The following SCTR variants were observed in gnomAD, a reference collection of about 807,000 sequenced individuals.
SCTR encodes secretin receptor.
In SCTR, 56 loss-of-function variants were observed where a neutral mutation model predicts 60.8. The observed-to-expected ratio is 0.92, with a 90% CI of 0.74 to 1.15. The LOEUF (loss-of-function observed/expected upper bound fraction) is 1.15. Among genes scored for constraint, SCTR ranks in the 50% most tolerant of loss-of-function variants. The pLI is 0.00. For missense variants in SCTR, 562 were observed against 550.4 expected (o/e 1.02, Z -0.21); for synonymous variants, 202 against 217.0 (o/e 0.93, Z 0.61).
chr2:119,511,162 C>T (rs1678918460), intron 1 of SCTR, among the ~76,000 whole-genome samples: 1 of 151,986 alleles, frequency 6.6e-6, no homozygotes, highest in Non-Finnish European at 1.5e-5. Flanking sequence ...CAGATAGCGC[C>T]ACTGCACTCC....
At chr2:119,506,920 T>G (rs1190253274) in intron 1 of SCTR, among the ~76,000 whole-genome samples, 2 of 152,180 alleles carry the variant, frequency 1.3e-5, no homozygotes, top group African/African-American at 4.8e-5. Flanking sequence ...CCAGAAATAT[T>G]CTGTATCTTG....
intron 3 of SCTR, among the ~76,000 whole-genome samples, chr2:119,474,806 G>A (rs1199470696): frequency 6.6e-6 from 1 of 152,134 alleles, no homozygotes; most frequent in Admixed American, 6.5e-5. Flanking sequence ...CCCACCCACC[G>A]GGCCCTCTTC....
chr2:119,520,208 A>G (rs918101516), intron 1 of SCTR, among the ~76,000 whole-genome samples: 1 of 152,160 alleles, frequency 6.6e-6, no homozygotes, highest in Non-Finnish European at 1.5e-5. Context: ...GTCATCAATA[A>G]TCAGCTCCCA....
chr2:119,505,827 G>A lies in SCTR; in HGVS notation c.73-11279C>T, dbSNP rs556841514. Among the ~76,000 whole-genome samples the A allele has an allele frequency of 3.9e-5, 6 of 152,158 alleles. No homozygotes were observed. The South Asian group carries it at 1.0e-3, about 26-fold the overall frequency. ...CATATGTAACTAACCTGCATGTTGT[G>A]CACACGTACCCTAAAACTTAAAGTA... is the stretch of plus-strand genomic sequence containing the variant. On this transcript the variant is annotated intron_variant, in intron 1 of 12. Coordinates refer to ENST00000019103, the MANE Select transcript of SCTR (RefSeq NM_002980.3).
intron 7 of SCTR, among the ~76,000 whole-genome samples, chr2:119,453,571 A>C (rs1396842175): frequency 6.6e-6 from 1 of 152,180 alleles, no homozygotes; most frequent in Non-Finnish European, 1.5e-5. Flanking sequence ...AATCAGAAGG[A>C]TCCCAAAGGC....
intron 2 of SCTR, 169 bp from the exon 3 acceptor site, chr2:119,479,087 C>T: frequency 6.9e-7 from 1 of 1,439,210 alleles, no homozygotes; most frequent in East Asian, 2.5e-5. Flanking sequence ...CTGTCTAATG[C>T]ACCCTTGGAC....
intron 11 of SCTR, among the ~76,000 whole-genome samples, chr2:119,442,741 T>G (rs1463582312): frequency 1.3e-5 from 2 of 152,104 alleles, no homozygotes; most frequent in Non-Finnish European, 2.9e-5. Context: ...CTGGGACCTT[T>G]TATCCAGGTT....
intron 10 of SCTR, among the ~76,000 whole-genome samples, 165 bp downstream of exon 10, chr2:119,448,524 A>G (rs560040678): frequency 6.6e-6 from 1 of 152,206 alleles, no homozygotes; most frequent in South Asian, 2.1e-4. Context: ...GAGGCTCTAA[A>G]ATCAGACCAT....
intron 5 of SCTR, 129 bp downstream of exon 5, chr2:119,465,660 G>A (rs917474998): frequency 1.5e-6 from 1 of 666,144 alleles, no homozygotes; most frequent in African/African-American, 1.8e-5. Flanking sequence ...CCATAGGTCA[G>A]CTTTAGATCA....
At chr2:119,458,496 G>A (rs146482520) in intron 7 of SCTR, among the ~76,000 whole-genome samples, 2,802 of 152,062 alleles carry the variant, frequency 0.018, 72 homozygotes, top group African/African-American at 0.064. Flanking sequence ...AGCTACTCAG[G>A]AGGCTGAGGC....
At chr2:119,512,641 C>CCCT (rs1678994063) in intron 1 of SCTR, among the ~76,000 whole-genome samples, 1 of 152,190 alleles carries the variant, frequency 6.6e-6, no homozygotes, top group Non-Finnish European at 1.5e-5. Context: ...AGGTGATCAA[C>CCCT]CCTCCTCAGC....
intron 2 of SCTR, among the ~76,000 whole-genome samples, chr2:119,488,499 A>G (rs1677980778): frequency 6.6e-6 from 1 of 152,242 alleles, no homozygotes; most frequent in Non-Finnish European, 1.5e-5. Context: ...GCGCTGGTTC[A>G]CTGCATGGGG....
chr2:119,488,608 A>C (rs1435309514), intron 2 of SCTR, among the ~76,000 whole-genome samples: 1 of 152,220 alleles, frequency 6.6e-6, no homozygotes, highest in Non-Finnish European at 1.5e-5. Context: ...GTGAATGTGC[A>C]CTTGGCATTG....
chr2:119,476,614 C>T (rs984937115), intron 3 of SCTR: 4 of 152,248 alleles, frequency 2.6e-5, no homozygotes, highest in African/African-American at 9.7e-5. Flanking sequence ...AAGGATGTGA[C>T]AGGACTGGCA....
At chr2:119,458,438 A>G (rs2104790280) in intron 7 of SCTR, among the ~76,000 whole-genome samples, 1 of 152,126 alleles carries the variant, frequency 6.6e-6, no homozygotes, top group Admixed American at 6.5e-5. Flanking sequence ...CGTCTCCACT[A>G]AAAACACAAA....
At chr2:119,467,537 T>A (rs947392218) in intron 4 of SCTR, among the ~76,000 whole-genome samples, 2 of 152,210 alleles carry the variant, frequency 1.3e-5, no homozygotes, top group African/African-American at 4.8e-5. Context: ...GACTCAAAAC[T>A]GGTTCAATCT....
intron 9 of SCTR, among the ~76,000 whole-genome samples, chr2:119,451,403 G>A (rs1683164798): frequency 6.6e-6 from 1 of 152,124 alleles, no homozygotes; most frequent in Non-Finnish European, 1.5e-5. Flanking sequence ...AAAAAGAAAT[G>A]GAATCAATAG....
At chr2:119,518,156 G>A (rs568018126) in intron 1 of SCTR, among the ~76,000 whole-genome samples, 10 of 152,074 alleles carry the variant, frequency 6.6e-5, no homozygotes, top group Admixed American at 2.6e-4. Flanking sequence ...CTCCAGAACC[G>A]CGAGATTAAT....
chr2:119,481,393 C>G (rs887069000), intron 2 of SCTR, among the ~76,000 whole-genome samples: 5 of 152,304 alleles, frequency 3.3e-5, no homozygotes, highest in Admixed American at 6.5e-5. Flanking sequence ...AGCTGGGTGC[C>G]TGTCAGAGAT....
Sources: gnomAD v4.1 joint callset for allele counts (sites outside exome capture counted in the v4.1 genomes callset) on GRCh38, gnomAD v4.1.1 for gene constraint, MANE v1.5 for transcripts, NCBI Gene and HGNC (gene_info 2026-07-23, HGNC 2026-07-21) for gene names.